UBTD1: variants seen among roughly 807,000 people sequenced by gnomAD.
UBTD1 encodes the protein ubiquitin domain-containing protein 1.
In UBTD1, 19 loss-of-function variants were observed where a neutral mutation model predicts 21.7. The observed-to-expected ratio is 0.87, with a 90% CI of 0.61 to 1.28. UBTD1 has a LOEUF of 1.28. UBTD1 is among the 50% of genes most tolerant of loss of function. UBTD1 has a pLI of 0.00. For missense variants in UBTD1, 282 were observed against 315.1 expected (o/e 0.89, Z 0.80); for synonymous variants, 116 against 135.1 (o/e 0.86, Z 0.98).
At chr10:97,502,151 A>G (rs1421878633) in intron 1 of UBTD1, among the ~76,000 whole-genome samples, 1 of 152,132 alleles carries the variant, frequency 6.6e-6, no homozygotes, top group Non-Finnish European at 1.5e-5. Context: ...AAGCAAACTC[A>G]ACTTCATCCT....
intron 1 of UBTD1, among the ~76,000 whole-genome samples, chr10:97,530,394 C>T (rs530765763): frequency 4.6e-5 from 7 of 152,262 alleles, no homozygotes; most frequent in East Asian, 1.9e-4. Flanking sequence ...GTTACAGTCG[C>T]GCCACTGCAC....
rs183023219 is a variant in UBTD1 at position 97,508,172 on chromosome 10, G to A, written c.70+8899G>A. On this transcript the variant is annotated intron_variant, in intron 1 of 2. Transcript: ENST00000370664. The stretch of plus-strand genomic sequence containing the variant: ...AGATGAAGAAGCTGAGCCTTAGAAA[G>A]GTAATGTCTGCTGCCTAAGGTCACA... Among the ~76,000 whole-genome samples, 388 of 152,368 alleles carry A rather than the reference G, an allele frequency of 2.5e-3. 14 individuals carry two copies. The highest frequency in any genetic ancestry group is 0.025 in the Admixed American group (383 of 15,306).
At chr10:97,530,700 A>G (rs889410071) in intron 1 of UBTD1, among the ~76,000 whole-genome samples, 2 of 152,178 alleles carry the variant, frequency 1.3e-5, no homozygotes, top group Non-Finnish European at 2.9e-5. Context: ...GATCGTGGAC[A>G]TCATAATGGT....
At chr10:97,547,871 T>A (rs1027408452) in intron 1 of UBTD1, among the ~76,000 whole-genome samples, 1 of 151,476 alleles carries the variant, frequency 6.6e-6, no homozygotes, top group African/African-American at 2.4e-5. Flanking sequence ...GCCTCGCAGT[T>A]TTCATTTTTC....
chr10:97,524,027 C>G (rs554821285), intron 1 of UBTD1, among the ~76,000 whole-genome samples: 83 of 152,304 alleles, frequency 5.4e-4, no homozygotes, highest in African/African-American at 1.9e-3. Flanking sequence ...TGTTCCTCAG[C>G]CCTTCTTTAG....
chr10:97,523,717 C>T (rs1442591217), intron 1 of UBTD1, among the ~76,000 whole-genome samples: 1 of 152,010 alleles, frequency 6.6e-6, no homozygotes, highest in Non-Finnish European at 1.5e-5. Flanking sequence ...GGTATTTTTC[C>T]TCTGTCTTTG....
At chr10:97,500,596 T>C (rs1378159230) in intron 1 of UBTD1, among the ~76,000 whole-genome samples, 5 of 152,200 alleles carry the variant, frequency 3.3e-5, no homozygotes, top group Admixed American at 3.3e-4. Context: ...ATAATTGATT[T>C]TGCAGCATTT....
intron 1 of UBTD1, among the ~76,000 whole-genome samples, chr10:97,564,843 C>A (rs1000256687): frequency 2.0e-5 from 3 of 152,210 alleles, no homozygotes; most frequent in African/African-American, 7.2e-5. Flanking sequence ...GGATTACAGG[C>A]ATGAGCCACC....
chr10:97,526,854 C>CAAAAA (rs35330483), intron 1 of UBTD1, among the ~76,000 whole-genome samples: 5 of 63,280 alleles, frequency 7.9e-5, no homozygotes, highest in Admixed American at 1.9e-4. Flanking sequence ...GACTCCGTCT[C>CAAAAA]AAAAAAAAAA....
chr10:97,533,620 C>T (rs568079806), intron 1 of UBTD1, among the ~76,000 whole-genome samples: 1 of 152,244 alleles, frequency 6.6e-6, no homozygotes, highest in East Asian at 1.9e-4. Flanking sequence ...TCAGCCCTTG[C>T]TTGACACAGA....
chr10:97,559,750 G>A (rs1464445641), intron 1 of UBTD1, among the ~76,000 whole-genome samples: 1 of 152,038 alleles, frequency 6.6e-6, no homozygotes, highest in Non-Finnish European at 1.5e-5. Context: ...AAAACCTGTT[G>A]CATTTTTACT....
chr10:97,540,760 A>G (rs748555448), intron 1 of UBTD1, among the ~76,000 whole-genome samples: 16 of 152,228 alleles, frequency 1.1e-4, no homozygotes, highest in Non-Finnish European at 1.9e-4. Context: ...GGAGCTGGGT[A>G]TCTAGACGTC....
intron 1 of UBTD1, among the ~76,000 whole-genome samples, chr10:97,499,707 CTG>C (rs1015597677): frequency 6.6e-6 from 1 of 152,222 alleles, no homozygotes; most frequent in Non-Finnish European, 1.5e-5. Flanking sequence ...CTTCCAAAGA[CTG>C]TGTCATTATC....
At chr10:97,511,413 A>G (rs1423364849) in intron 1 of UBTD1, among the ~76,000 whole-genome samples, 2 of 152,128 alleles carry the variant, frequency 1.3e-5, no homozygotes, top group African/African-American at 2.4e-5. Flanking sequence ...CTGACTGTCA[A>G]CTTCAACAAA....
intron 1 of UBTD1, among the ~76,000 whole-genome samples, chr10:97,512,862 T>A (rs984647049): frequency 6.6e-6 from 1 of 152,232 alleles, no homozygotes; most frequent in African/African-American, 2.4e-5. Flanking sequence ...AGGAGAGACT[T>A]CCGCCCAAAG....
At chr10:97,531,129 C>T (rs894575563) in intron 1 of UBTD1, among the ~76,000 whole-genome samples, 3 of 151,766 alleles carry the variant, frequency 2.0e-5, no homozygotes, top group African/African-American at 4.8e-5. Flanking sequence ...CCTCGTGATC[C>T]GCCCTCCTTG....
chr10:97,550,183 A>G (rs2040630268), intron 1 of UBTD1, among the ~76,000 whole-genome samples: 1 of 152,144 alleles, frequency 6.6e-6, no homozygotes, highest in East Asian at 1.9e-4. Context: ...GCAAGCCCAG[A>G]CTTGTCACAT....
intron 1 of UBTD1, among the ~76,000 whole-genome samples, chr10:97,548,710 G>A (rs571900474): frequency 1.3e-3 from 203 of 152,334 alleles, no homozygotes; most frequent in African/African-American, 4.6e-3. Context: ...CCAGGAGGTG[G>A]AGGTTGCAGT....
intron 1 of UBTD1, among the ~76,000 whole-genome samples, chr10:97,562,041 AG>A (rs2040694975): frequency 6.6e-6 from 1 of 152,104 alleles, no homozygotes; most frequent in Admixed American, 6.5e-5. Context: ...CCATGATGGG[AG>A]GGGGAGTCAG....
Sources: gnomAD v4.1 joint callset for allele counts (sites outside exome capture counted in the v4.1 genomes callset) on GRCh38, gnomAD v4.1.1 for gene constraint, MANE v1.5 for transcripts, NCBI Gene and HGNC (gene_info 2026-07-23, HGNC 2026-07-21) for gene names.